THADA: variants seen among roughly 807,000 people sequenced by gnomAD.
THADA encodes tRNA (32-2'-O)-methyltransferase regulator THADA.
THADA carries 213 observed loss-of-function variants against 219.8 expected under a neutral mutation model. That is an observed-to-expected ratio of 0.97 (90% CI 0.87 to 1.09). THADA has a LOEUF of 1.09. Among genes scored for constraint, THADA ranks in the 50% least tolerant of loss-of-function variants. THADA has a pLI of 0.00. For synonymous variants in THADA, 1,018 were observed against 828.9 expected, an observed-to-expected ratio of 1.23 and a Z score of -3.92; for missense variants, 2,956 against 2,311.3, an observed-to-expected ratio of 1.28 and a Z score of -5.72.
chr2:43,585,140 C>G (rs1700872686), intron 7 of THADA, among the ~76,000 whole-genome samples: 1 of 152,000 alleles, frequency 6.6e-6, no homozygotes, highest in Non-Finnish European at 1.5e-5. Context: ...GCTAGACTAG[C>G]CTACAATAAA....
chr2:43,484,948 A>C (rs1243013994), intron 26 of THADA, among the ~76,000 whole-genome samples: 5 of 151,030 alleles, frequency 3.3e-5, no homozygotes, highest in African/African-American at 7.4e-5. Flanking sequence ...ATTAAAAAAA[A>C]AAAAACAAAA....
intron 26 of THADA, among the ~76,000 whole-genome samples, chr2:43,438,984 T>C (rs1379058523): frequency 6.6e-6 from 1 of 152,248 alleles, no homozygotes; most frequent in Admixed American, 6.5e-5. Flanking sequence ...GATTTTATCA[T>C]GTGAGATAAA....
intron 34 of THADA, among the ~76,000 whole-genome samples, chr2:43,290,861 C>G (rs1249950931): frequency 6.6e-6 from 1 of 151,960 alleles, no homozygotes; most frequent in South Asian, 2.1e-4. Flanking sequence ...TCCCAGGAAG[C>G]TGTTTTTCTT....
At chr2:43,534,468 C>T (rs1694294579) in intron 21 of THADA, among the ~76,000 whole-genome samples, 1 of 152,078 alleles carries the variant, frequency 6.6e-6, no homozygotes, top group Non-Finnish European at 1.5e-5. Context: ...CACAACTCTA[C>T]CTATCTCCAC....
At chr2:43,553,410 G>C (rs980978410) in intron 17 of THADA, among the ~76,000 whole-genome samples, 1 of 152,110 alleles carries the variant, frequency 6.6e-6, no homozygotes, top group South Asian at 2.1e-4. Flanking sequence ...CCTCATAATG[G>C]GATTAGTGTC....
intron 31 of THADA, among the ~76,000 whole-genome samples, chr2:43,313,034 T>A (rs1377263314): frequency 1.3e-5 from 2 of 152,268 alleles, no homozygotes; most frequent in Non-Finnish European, 2.9e-5. Flanking sequence ...ACTGTTCAGC[T>A]ATATTTCCCA....
intron 29 of THADA, among the ~76,000 whole-genome samples, chr2:43,373,861 G>C (rs895456981): frequency 1.3e-5 from 2 of 152,124 alleles, no homozygotes; most frequent in Admixed American, 6.5e-5. Flanking sequence ...TCTTTGTATT[G>C]ATCACAACAT....
intron 26 of THADA, among the ~76,000 whole-genome samples, chr2:43,453,247 C>T (rs1447234626): frequency 2.0e-5 from 3 of 152,154 alleles, no homozygotes; most frequent in African/African-American, 4.8e-5. Context: ...TCCTCAGCTG[C>T]AGAAGTATGG....
intron 15 of THADA, chr2:43,562,715 C>A (rs1698216915): frequency 1.3e-5 from 2 of 152,132 alleles, no homozygotes; most frequent in African/African-American, 4.8e-5. Context: ...TTGCCCTGAA[C>A]CTTCTCTTCC....
intron 36 of THADA, among the ~76,000 whole-genome samples, chr2:43,247,814 G>A (rs6723138): frequency 0.031 from 4,619 of 151,262 alleles, 204 homozygotes; most frequent in African/African-American, 0.1. Context: ...AAGCTGATGT[G>A]GGAGGATCAC....
At chr2:43,276,910 C>T (rs962802916) in intron 36 of THADA, among the ~76,000 whole-genome samples, 1 of 152,160 alleles carries the variant, frequency 6.6e-6, no homozygotes, top group African/African-American at 2.4e-5. Context: ...ACTCTGAAGT[C>T]ACCTCATGCT....
chr2:43,400,279 A>G (rs1030909634), intron 28 of THADA, among the ~76,000 whole-genome samples: 3 of 152,110 alleles, frequency 2.0e-5, no homozygotes, highest in Non-Finnish European at 2.9e-5. Context: ...GGTGGTTTCC[A>G]AATGCACACA....
At chr2:43,498,738 G>C (rs961425844) in intron 25 of THADA, 95 bp downstream of exon 25, 9 of 1,289,786 alleles carry the variant, frequency 7.0e-6, no homozygotes, top group Middle Eastern at 2.0e-4. Context: ...GTAAAGGGCA[G>C]GAAATATTTT....
chr2:43,319,988 T>A (rs1384274343), intron 31 of THADA, among the ~76,000 whole-genome samples: 1 of 152,136 alleles, frequency 6.6e-6, no homozygotes, highest in Non-Finnish European at 1.5e-5. Context: ...AAGAAACATG[T>A]GGAAAGTCAG....
intron 36 of THADA, among the ~76,000 whole-genome samples, chr2:43,266,204 C>T (rs1038363653): frequency 6.6e-6 from 1 of 152,110 alleles, no homozygotes; most frequent in African/African-American, 2.4e-5. Context: ...TGAAGGGAAG[C>T]TGCCCATCTC....
intron 26 of THADA, among the ~76,000 whole-genome samples, chr2:43,478,187 A>AAAATT (rs1291665731): frequency 3.9e-5 from 6 of 152,194 alleles, no homozygotes; most frequent in African/African-American, 1.4e-4. Flanking sequence ...ATTCAATGAA[A>AAAATT]AAATTAAGAG....
chr2:43,580,748 T>A (rs1700344852), intron 8 of THADA, among the ~76,000 whole-genome samples: 1 of 151,668 alleles, frequency 6.6e-6, no homozygotes, highest in Admixed American at 6.6e-5. Context: ...GGCGTGGTGG[T>A]GCATGCCTGT....
intron 24 of THADA, among the ~76,000 whole-genome samples, chr2:43,500,650 G>A (rs559876131): frequency 2.0e-5 from 3 of 152,254 alleles, no homozygotes; most frequent in South Asian, 4.2e-4. Context: ...AATTGCAGCA[G>A]ATTGATCAGA....
At chr2:43,564,679 G>T (rs751729447) in intron 15 of THADA, 1 of 152,152 alleles carries the variant, frequency 6.6e-6, no homozygotes, top group Non-Finnish European at 1.5e-5. Flanking sequence ...CCATCCCCAC[G>T]TGAATAAGGT....
Sources: allele counts gnomAD v4.1 joint callset (sites outside exome capture counted in the v4.1 genomes callset), GRCh38; gene constraint gnomAD v4.1.1; transcripts MANE v1.5; gene names NCBI Gene and HGNC (gene_info 2026-07-23, HGNC 2026-07-21).